Variants in CDH13 observed in about 807,000 individuals in gnomAD.
CDH13 encodes cadherin 13.
A neutral mutation model predicts 63.8 loss-of-function variants in CDH13; 24 were observed. The ratio of observed to expected loss-of-function variants is 0.38; its 90% CI spans 0.27 to 0.53. CDH13 has a LOEUF of 0.53. Among genes scored for constraint, CDH13 ranks in the 20% least tolerant of loss-of-function variants. The probability of loss-of-function intolerance (pLI) is 0.85; values close to 1 mark genes in which losing one functional copy is unlikely to be tolerated. For synonymous variants in CDH13, 503 were observed against 355.3 expected (o/e 1.42, Z -4.67); for missense variants, 1,049 against 903.1 (o/e 1.16, Z -2.07).
intron 3 of CDH13, among the ~76,000 whole-genome samples, chr16:83,052,461 T>C (rs1597229347): frequency 6.6e-6 from 1 of 152,196 alleles, no homozygotes; most frequent in Non-Finnish European, 1.5e-5. Flanking sequence ...TAAGAACATT[T>C]AGAAAAGCCA....
At chr16:83,109,998 A>C (rs995190242) in intron 3 of CDH13, among the ~76,000 whole-genome samples, 2 of 152,180 alleles carry the variant, frequency 1.3e-5, no homozygotes, top group African/African-American at 4.8e-5. Flanking sequence ...TTTTCATCCA[A>C]AGCGTATGTT....
chr16:83,199,345 C>T (rs1210137333), intron 4 of CDH13, among the ~76,000 whole-genome samples: 3 of 152,186 alleles, frequency 2.0e-5, no homozygotes, highest in African/African-American at 7.2e-5. Context: ...GCTGTTAGGA[C>T]TTTGTTATCC....
intron 1 of CDH13, among the ~76,000 whole-genome samples, chr16:82,659,875 A>T (rs1259548147): frequency 6.6e-6 from 1 of 152,128 alleles, no homozygotes; most frequent in East Asian, 1.9e-4. Flanking sequence ...AGGCCATTGG[A>T]AGCCCCATCC....
At chr16:82,946,958 A>G (rs1049387290) in intron 2 of CDH13, among the ~76,000 whole-genome samples, 4 of 151,726 alleles carry the variant, frequency 2.6e-5, no homozygotes, top group African/African-American at 9.7e-5. Flanking sequence ...ATACAATCAA[A>G]TTGTTGCTAA....
At chr16:82,854,795 A>G (rs1278294367) in intron 1 of CDH13, among the ~76,000 whole-genome samples, 1 of 152,156 alleles carries the variant, frequency 6.6e-6, no homozygotes, top group East Asian at 1.9e-4. Context: ...TTTCCAGTTA[A>G]ATTTTAATCT....
At chr16:83,090,812 A>C (rs1265418721) in intron 3 of CDH13, among the ~76,000 whole-genome samples, 1 of 152,012 alleles carries the variant, frequency 6.6e-6, no homozygotes, top group Non-Finnish European at 1.5e-5. Flanking sequence ...TACAATACAG[A>C]CTAATAAAAA....
chr16:82,686,913 C>G (rs929334838), intron 1 of CDH13, among the ~76,000 whole-genome samples: 1 of 152,226 alleles, frequency 6.6e-6, no homozygotes, highest in African/African-American at 2.4e-5. Context: ...CTCTCTTACA[C>G]AGACAACATT....
intron 7 of CDH13, among the ~76,000 whole-genome samples, chr16:83,582,847 C>G (rs1412340723): frequency 6.6e-6 from 1 of 152,214 alleles, no homozygotes; most frequent in African/African-American, 2.4e-5. Flanking sequence ...TCAGCCTGAA[C>G]TCTAAGAAGC....
chr16:82,851,441 AAAAT>A (rs774231155), intron 1 of CDH13, among the ~76,000 whole-genome samples: 260 of 22,804 alleles, frequency 0.011, 3 homozygotes, highest in South Asian at 0.083. Flanking sequence ...TCTCAAAAAA[AAAAT>A]AAAAAGAAAA....
chr16:83,496,490 A>C (rs1016104922), intron 7 of CDH13, among the ~76,000 whole-genome samples: 4 of 151,686 alleles, frequency 2.6e-5, no homozygotes, highest in African/African-American at 9.7e-5. Context: ...CCTTCCTTAC[A>C]CCTTATACAA....
chr16:83,448,724 G>A (rs2072786091), intron 6 of CDH13, among the ~76,000 whole-genome samples: 2 of 152,176 alleles, frequency 1.3e-5, no homozygotes, highest in Non-Finnish European at 2.9e-5. Context: ...TTCCATGCCT[G>A]CAAGACAGCC....
At chr16:83,759,089 G>A (rs975111888) in intron 11 of CDH13, among the ~76,000 whole-genome samples, 1 of 152,146 alleles carries the variant, frequency 6.6e-6, no homozygotes, top group Non-Finnish European at 1.5e-5. Context: ...AAATGGCCAA[G>A]GCAATCTTGA....
chr16:83,135,684 A>G (rs2036250564), intron 4 of CDH13, among the ~76,000 whole-genome samples: 1 of 152,250 alleles, frequency 6.6e-6, no homozygotes, highest in Non-Finnish European at 1.5e-5. Flanking sequence ...GTATCTACCC[A>G]GAGGAAAAGA....
intron 5 of CDH13, among the ~76,000 whole-genome samples, chr16:83,332,994 T>C (rs1237470767): frequency 1.3e-5 from 2 of 152,196 alleles, no homozygotes; most frequent in Non-Finnish European, 2.9e-5. Flanking sequence ...AAAGAACATT[T>C]GATAATAGTA....
At chr16:82,729,920 G>A (rs2033309731) in intron 1 of CDH13, among the ~76,000 whole-genome samples, 2 of 152,286 alleles carry the variant, frequency 1.3e-5, no homozygotes, top group East Asian at 3.9e-4. Context: ...CTTATGTTAT[G>A]AAGAAAGCTT....
intron 7 of CDH13, among the ~76,000 whole-genome samples, chr16:83,581,513 C>A (rs1015175262): frequency 1.3e-5 from 2 of 152,170 alleles, no homozygotes; most frequent in Admixed American, 6.5e-5. Flanking sequence ...TCTTCTCAGG[C>A]CACCCTATTT....
chr16:83,708,825 G>C (rs1907554941), intron 10 of CDH13, among the ~76,000 whole-genome samples: 1 of 152,078 alleles, frequency 6.6e-6, no homozygotes, highest in Non-Finnish European at 1.5e-5. Context: ...AGGAGTTCAA[G>C]ACCAGACTGG....
intron 6 of CDH13, among the ~76,000 whole-genome samples, chr16:83,357,272 C>G (rs557300571): frequency 6.6e-6 from 1 of 152,242 alleles, no homozygotes; most frequent in East Asian, 1.9e-4. Context: ...CTTGTTGGCT[C>G]ACACTAAAGT....
intron 1 of CDH13, among the ~76,000 whole-genome samples, 175 bp downstream of exon 1, chr16:82,627,312 A>C (rs530397375): frequency 1.6e-4 from 23 of 147,698 alleles, no homozygotes; most frequent in African/African-American, 3.0e-4. Flanking sequence ...GGCACCCCCC[A>C]CACACAGGCT....
Sources: gnomAD v4.1 joint callset for allele counts (sites outside exome capture counted in the v4.1 genomes callset) on GRCh38, gnomAD v4.1.1 for gene constraint, MANE v1.5 for transcripts, NCBI Gene and HGNC (gene_info 2026-07-23, HGNC 2026-07-21) for gene names.